Variants in TPD52 observed in about 807,000 individuals in gnomAD.
The protein encoded by TPD52 is tumor protein D52.
In TPD52, 17 loss-of-function variants were observed where a neutral mutation model predicts 31.3. That is an observed-to-expected ratio of 0.54 (90% CI 0.37 to 0.82). The LOEUF is 0.82. Among genes scored for constraint, TPD52 ranks in the 40% least tolerant of loss-of-function variants. The pLI, the probability that TPD52 is intolerant of heterozygous loss-of-function variation, is 0.00. For synonymous variants in TPD52, 83 were observed against 89.6 expected (o/e 0.93, Z 0.42); for missense variants, 212 against 240.1 (o/e 0.88, Z 0.77).
At chr8:80,154,382 G>A (rs2131214836) in intron 1 of TPD52, among the ~76,000 whole-genome samples, 1 of 152,314 alleles carries the variant, frequency 6.6e-6, no homozygotes, top group South Asian at 2.1e-4. Context: ...GGTGGCCAAT[G>A]TGCGCAAAGC....
chr8:80,084,004 GCTAT>G (rs1815535144), intron 1 of TPD52, among the ~76,000 whole-genome samples: 2 of 152,222 alleles, frequency 1.3e-5, no homozygotes, highest in African/African-American at 4.8e-5. Context: ...AGCACGAAGA[GCTAT>G]CTACCAACCG....
chr8:80,065,087 T>C (rs1812970074), intron 1 of TPD52, among the ~76,000 whole-genome samples: 1 of 152,148 alleles, frequency 6.6e-6, no homozygotes, highest in Admixed American at 6.5e-5. Flanking sequence ...GTAAATTTTA[T>C]TCTGTTTCTT....
At chr8:80,170,430 C>A (rs1166699497) in intron 1 of TPD52, among the ~76,000 whole-genome samples, 1 of 149,308 alleles carries the variant, frequency 6.7e-6, no homozygotes, top group African/African-American at 2.4e-5. Flanking sequence ...ACAAAAAAAA[C>A]ACCAGAGTCT....
chr8:80,065,735 A>C (rs1218403543), intron 1 of TPD52, among the ~76,000 whole-genome samples: 1 of 152,170 alleles, frequency 6.6e-6, no homozygotes, highest in Non-Finnish European at 1.5e-5. Context: ...CATGAACAGC[A>C]CTATTGGTAA....
rs1378064915 is a variant in TPD52 at position 80,050,521 on chromosome 8, C to T, written c.387-50G>A. ...AAAAAAGAAAGAAGTTCTGATAAAT[C>T]TAAAACAATTAAATAACCTAAGTTT... On this transcript the variant is annotated intron_variant, in intron 4 of 7. Coordinates refer to ENST00000518937, the MANE Select transcript of TPD52 (RefSeq NM_001025253.3). 7 of 1,550,882 alleles carry T rather than the reference C, an allele frequency of 4.5e-6. No homozygotes were observed. In the Middle Eastern group the frequency reaches 5.1e-4, roughly 114 times the overall value.
intron 1 of TPD52, among the ~76,000 whole-genome samples, chr8:80,161,206 C>T (rs538267102): frequency 2.8e-4 from 43 of 152,340 alleles, no homozygotes; most frequent in African/African-American, 9.6e-4. Flanking sequence ...GTCTCTTCTA[C>T]CTATGTATAC....
intron 1 of TPD52, among the ~76,000 whole-genome samples, chr8:80,115,684 T>A (rs1807815650): frequency 6.6e-6 from 1 of 152,238 alleles, no homozygotes; most frequent in South Asian, 2.1e-4. Context: ...GTCCTACTTT[T>A]CTTATTCTCT....
chr8:80,040,564 A>G (rs2130368567), intron 7 of TPD52, among the ~76,000 whole-genome samples: 1 of 152,320 alleles, frequency 6.6e-6, no homozygotes. Context: ...AGACTTCATT[A>G]CAATTTATAG....
chr8:80,169,167 T>A (rs1431108045), intron 1 of TPD52, among the ~76,000 whole-genome samples: 3 of 152,172 alleles, frequency 2.0e-5, no homozygotes, highest in Non-Finnish European at 4.4e-5. Flanking sequence ...GTATTTTTAG[T>A]AGAGACAGGG....
At chr8:80,080,632 C>G in intron 1 of TPD52, 1 of 1,352,718 alleles carries the variant, frequency 7.4e-7, no homozygotes, top group Non-Finnish European at 9.5e-7. Flanking sequence ...GCCTTCACGC[C>G]CCTCCTGATA....
At chr8:80,135,309 G>GA (rs1381582464) in intron 1 of TPD52, among the ~76,000 whole-genome samples, 1 of 151,978 alleles carries the variant, frequency 6.6e-6, no homozygotes, top group Non-Finnish European at 1.5e-5. Flanking sequence ...GGTCACACAG[G>GA]GAGTTTCATT....
intron 1 of TPD52, among the ~76,000 whole-genome samples, chr8:80,169,391 A>G (rs773801929): frequency 2.6e-5 from 4 of 152,220 alleles, no homozygotes; most frequent in Non-Finnish European, 4.4e-5. Flanking sequence ...CCCAAAGAAC[A>G]TATGGGAAAA....
rs1810268321 is a variant in TPD52 at position 80,147,397 on chromosome 8, C to G, written c.19+24028G>C. On this transcript the variant is annotated intron_variant, in intron 1 of 7. Coordinates refer to ENST00000518937, the MANE Select transcript of TPD52 (RefSeq NM_001025253.3). ...TCACAAAAAGCACAAAAAACCACGTCCAATCAGAATTTTACTCCAAAACTC... is the reference window on the plus strand; with the variant it reads ...TCACAAAAAGCACAAAAAACCACGTGCAATCAGAATTTTACTCCAAAACTC... Among the ~76,000 whole-genome samples the G allele has an allele frequency of 1.3e-5, 2 of 152,092 alleles. 1 individual carries two copies. Among genetic ancestry groups the G allele is most frequent in the South Asian group, 4.1e-4 (2 of 4,822 alleles).
intron 1 of TPD52, among the ~76,000 whole-genome samples, chr8:80,131,186 G>A (rs925489152): frequency 3.3e-5 from 5 of 152,052 alleles, no homozygotes; most frequent in Non-Finnish European, 5.9e-5. Context: ...GTTGAGATCA[G>A]GAGAAAAAAA....
rs568639211 is a variant in TPD52, at chr8:80,127,004, A to G, written c.19+44421T>C. ...TACACCTGTGGTCCCAGTTACTCAG[A>G]AGGCTGAGGTGGAAGGATCACCTGA... On this transcript the variant is annotated intron_variant, in intron 1 of 7. Transcript: ENST00000518937. 3.3e-5 allele frequency among the ~76,000 whole-genome samples: 5 copies of G among 152,132 alleles called. No individual in the cohort carries two copies. In the East Asian group the frequency reaches 7.8e-4, roughly 24 times the overall value.
chr8:80,116,792 A>G (rs1182189377), intron 1 of TPD52, among the ~76,000 whole-genome samples: 1 of 147,444 alleles, frequency 6.8e-6, no homozygotes, highest in Admixed American at 6.8e-5. Context: ...AAAAAAAAAA[A>G]GTTTATTTAG....
intron 1 of TPD52, among the ~76,000 whole-genome samples, chr8:80,129,674 C>T (rs1215710501): frequency 2.0e-5 from 3 of 151,446 alleles, no homozygotes; most frequent in South Asian, 2.1e-4. Flanking sequence ...CATCCTCCCC[C>T]GACTTCTCTC....
intron 1 of TPD52, among the ~76,000 whole-genome samples, chr8:80,079,074 T>G (rs906477590): frequency 5.3e-5 from 8 of 152,176 alleles, no homozygotes; most frequent in African/African-American, 1.7e-4. Flanking sequence ...GCAAGTCACT[T>G]GAGTTTCAGT....
intron 1 of TPD52, among the ~76,000 whole-genome samples, chr8:80,133,431 C>T (rs965450602): frequency 2.0e-5 from 3 of 152,166 alleles, no homozygotes; most frequent in African/African-American, 7.2e-5. Flanking sequence ...AATTCAGAAT[C>T]AAAACTGAAT....
Sources: gnomAD v4.1 joint callset for allele counts (sites outside exome capture counted in the v4.1 genomes callset) on GRCh38, gnomAD v4.1.1 for gene constraint, MANE v1.5 for transcripts, NCBI Gene and HGNC (gene_info 2026-07-23, HGNC 2026-07-21) for gene names.